Variants in ARID2 observed in about 807,000 individuals in gnomAD.
The protein encoded by ARID2 is AT-rich interactive domain-containing protein 2.
Under a neutral mutation model 184.6 loss-of-function variants are expected in ARID2, and 32 were observed. The ratio of observed to expected loss-of-function variants is 0.17; its 90% CI spans 0.13 to 0.23. The LOEUF is 0.23. ARID2 is among the 10% of genes least tolerant of loss of function. ARID2 has a pLI of 1.00. For missense variants in ARID2, 1,696 were observed against 2,197.6 expected (o/e 0.77, Z 4.56); for synonymous variants, 836 against 772.6 (o/e 1.08, Z -1.36).
At position 45,807,987 on chromosome 12, in the gene ARID2, C is replaced by T. The variant is rs112824241; in HGVS notation, c.285-3431C>T. Among the ~76,000 whole-genome samples, 416 of 152,266 alleles carry T rather than the reference C, an allele frequency of 2.7e-3. 1 individual carries two copies. The highest frequency in any genetic ancestry group is 9.6e-3 in the African/African-American group (400 of 41,552). On this transcript the variant is annotated intron_variant, in intron 3 of 20. Transcript: ENST00000334344. ...GGTCACATTTAAGCTTTCTGGATTA[C>T]AATATTTCACTAGTTTTGAGTTAAA...
At chr12:45,774,160 G>C (rs1941932836) in intron 3 of ARID2, among the ~76,000 whole-genome samples, 1 of 152,108 alleles carries the variant, frequency 6.6e-6, no homozygotes, top group Non-Finnish European at 1.5e-5. Context: ...TAAATAAAAT[G>C]TTTAAAGTGT....
intron 15 of ARID2, among the ~76,000 whole-genome samples, chr12:45,853,190 T>G (rs1943588110): frequency 6.6e-6 from 1 of 152,208 alleles, no homozygotes; most frequent in Admixed American, 6.5e-5. Context: ...AAAATGTATC[T>G]TAATCTCCTT....
At position 45,852,528 on chromosome 12, in the gene ARID2, G is replaced by A. The variant is rs1449540788; in HGVS notation, c.4405G>A (p.Val1469Ile). ...DVPQQRPSVV[V>I]SPHSTTSVIQ... is the part of the protein sequence containing the mutation. ...GCCTCAGCAACGCCCAAGTGTAGTT[G>A]TCTCACCACATTCTACAACCTCTGT... Residue 1469 changes from valine (V) to isoleucine (I), a missense_variant, in exon 15 of 21, where the codon GTC becomes ATC. Transcript: ENST00000334344. The A allele has an allele frequency of 7.4e-6, 12 of 1,614,040 alleles. No individual in the cohort carries two copies. The highest frequency in any genetic ancestry group is 1.7e-5 in the Admixed American group (1 of 60,006).
intron 13 of ARID2, 77 bp downstream of exon 13, chr12:45,849,047 ATATCT>A (rs968046059): frequency 5.5e-6 from 8 of 1,466,992 alleles, no homozygotes; most frequent in African/African-American, 2.8e-5. Flanking sequence ...AAAATACCAA[ATATCT>A]TATCTAGTTT....
Position 45,897,426 on chromosome 12 carries a change from G to T in ARID2, c.5363+3705G>T, listed in dbSNP as rs536658876. Among the ~76,000 whole-genome samples, 31 of 152,192 alleles carry T rather than the reference G, an allele frequency of 2.0e-4. No homozygotes were observed. In the Middle Eastern group the frequency reaches 0.017, roughly 83 times the overall value. ...AAAATTTGAAGCTTGTACATCAAAG[G>T]ATACTATCAACAGAGTAAAAAGGCA... On this transcript the variant is annotated intron_variant, in intron 20 of 20. Coordinates refer to ENST00000334344, the MANE Select transcript of ARID2 (RefSeq NM_152641.4).
At chr12:45,885,259 G>T (rs1036518781) in intron 16 of ARID2, among the ~76,000 whole-genome samples, 1 of 151,870 alleles carries the variant, frequency 6.6e-6, no homozygotes, top group Admixed American at 6.6e-5. Flanking sequence ...AGATGCCAAG[G>T]GTTGAGGTAC....
At chr12:45,844,128 C>T (rs767784337) in intron 11 of ARID2, among the ~76,000 whole-genome samples, 31 of 152,028 alleles carry the variant, frequency 2.0e-4, no homozygotes, top group Non-Finnish European at 3.2e-4. Flanking sequence ...GTGTTGAGCT[C>T]GGGAGCTCAA....
chr12:45,829,801 C>CTTT (rs774087811), intron 6 of ARID2, among the ~76,000 whole-genome samples: 3 of 91,262 alleles, frequency 3.3e-5, no homozygotes, highest in Non-Finnish European at 6.5e-5. Context: ...CTTTCTTCTT[C>CTTT]TTTTTTTTTT....
Position 45,837,671 on chromosome 12 carries a change from G to C in ARID2, c.1294G>C (p.Ala432Pro), listed in dbSNP as rs1386577441. Reference sequence around the variant, plus strand: ...CATGCTCACGGAAATGGGAGATGTTGCTTGCACAAAAATTGCAAAAGTAGA... The same window carrying C: ...CATGCTCACGGAAATGGGAGATGTTCCTTGCACAAAAATTGCAAAAGTAGA... ...LYMLTEMGDV[A>P]CTKIAKVEKS... Residue 432 changes from alanine (A) to proline (P), a missense_variant, in exon 10 of 21, where the codon GCT becomes CCT. Ala to Pro is a conservative substitution (Grantham distance 27, BLOSUM62 -1). Transcript: ENST00000334344. 1 of 1,613,740 alleles carries C rather than the reference G, an allele frequency of 6.2e-7. No homozygotes were observed. Among genetic ancestry groups the C allele is most frequent in the South Asian group, 1.1e-5 (1 of 91,082 alleles).
At chr12:45,897,658 A>T (rs1944387074) in intron 20 of ARID2, among the ~76,000 whole-genome samples, 1 of 152,164 alleles carries the variant, frequency 6.6e-6, no homozygotes, top group Non-Finnish European at 1.5e-5. Flanking sequence ...TGTTTACACC[A>T]ATATTGATGG....
At chr12:45,822,218 T>G (rs1942911269) in intron 6 of ARID2, among the ~76,000 whole-genome samples, 1 of 152,172 alleles carries the variant, frequency 6.6e-6, no homozygotes, top group Non-Finnish European at 1.5e-5. Context: ...GTAGCTCTCT[T>G]GGGCTGGGTG....
chr12:45,785,712 C>T (rs1942184503), intron 3 of ARID2, among the ~76,000 whole-genome samples: 1 of 151,984 alleles, frequency 6.6e-6, no homozygotes, highest in Non-Finnish European at 1.5e-5. Flanking sequence ...TGCAAACATT[C>T]CCAAAAAAAC....
intron 3 of ARID2, among the ~76,000 whole-genome samples, chr12:45,771,874 T>G (rs1382029618): frequency 6.6e-6 from 1 of 152,128 alleles, no homozygotes; most frequent in East Asian, 1.9e-4. Flanking sequence ...AAACTCCCTT[T>G]GCTCTTTTTA....
chr12:45,809,277 A>G (rs1454507815), intron 3 of ARID2, among the ~76,000 whole-genome samples: 2 of 152,216 alleles, frequency 1.3e-5, no homozygotes, highest in East Asian at 1.9e-4. Context: ...TATGAATACT[A>G]TTATATCCAA....
At chr12:45,789,021 C>A (rs1201945132) in intron 3 of ARID2, among the ~76,000 whole-genome samples, 1 of 150,760 alleles carries the variant, frequency 6.6e-6, no homozygotes, top group Non-Finnish European at 1.5e-5. Context: ...GCCTGATAAT[C>A]TATTATATTA....
At chr12:45,869,310 C>T (rs986448120) in intron 16 of ARID2, among the ~76,000 whole-genome samples, 14 of 152,032 alleles carry the variant, frequency 9.2e-5, no homozygotes, top group Non-Finnish European at 1.5e-4. Context: ...CCACCGTGCC[C>T]GGCCGCGATT....
At chr12:45,762,001 A>T (rs984510242) in intron 3 of ARID2, among the ~76,000 whole-genome samples, 1 of 152,072 alleles carries the variant, frequency 6.6e-6, no homozygotes, top group Non-Finnish European at 1.5e-5. Context: ...CTTCATTGCA[A>T]TAATTATATA....
At position 45,851,125 on chromosome 12, in the gene ARID2, C is replaced by T. The variant is rs1943541023; in HGVS notation, c.3002C>T (p.Pro1001Leu). 1 of 1,614,076 alleles carries T rather than the reference C, an allele frequency of 6.2e-7. No individual in the cohort carries two copies. Among genetic ancestry groups the T allele is most frequent in the Non-Finnish European group, 8.5e-7 (1 of 1,180,000 alleles). ...ACCCCTCAATCACAGGGACCACCTC[C>T]TACTGTCAGTCAAATGTTATCTGTG... ...SSTPQSQGPP[P>L]TVSQMLSVKR... The change falls in exon 15 of 21, where the codon CCT (proline) becomes CTT (leucine). Residue 1001 changes from proline to leucine, a missense_variant. By Grantham distance (98) the Pro-to-Leu change is moderately conservative. Coordinates refer to ENST00000334344, the MANE Select transcript of ARID2 (RefSeq NM_152641.4).
chr12:45,851,545 A>C lies in ARID2; in HGVS notation c.3422A>C (p.Gln1141Pro). The C allele has an allele frequency of 1.2e-6, 2 of 1,614,144 alleles. No individual in the cohort carries two copies. Residue 1141 changes from glutamine to proline, a missense_variant, in exon 15 of 21, where the codon CAA becomes CCA. Gln to Pro is a moderately conservative substitution (Grantham distance 76). Transcript: ENST00000334344. Reference protein sequence around the residue: ...PSAMPPSGGVQTVPISNLQIL... With the variant: ...PSAMPPSGGVPTVPISNLQIL... ...GCAATGCCACCCTCAGGGGGAGTAC[A>C]AACTGTGCCCATTTCGAACTTACAA...
Sources: allele counts gnomAD v4.1 joint callset (sites outside exome capture counted in the v4.1 genomes callset), GRCh38; gene constraint gnomAD v4.1.1; transcripts MANE v1.5; gene names NCBI Gene and HGNC (gene_info 2026-07-23, HGNC 2026-07-21).